Variants in CDK14 observed in about 807,000 individuals in gnomAD.
The protein encoded by CDK14 is cyclin dependent kinase 14, also known as cyclin-dependent kinase 14.
In CDK14, 34 loss-of-function variants were observed where a neutral mutation model predicts 60.7. That is an observed-to-expected ratio of 0.56 (90% CI 0.43 to 0.75). The LOEUF (loss-of-function observed/expected upper bound fraction) is 0.75, where lower values mean the gene tolerates loss of function less well. Among genes scored for constraint, CDK14 ranks in the 30% least tolerant of loss-of-function variants. CDK14 has a pLI of 0.00. For synonymous variants in CDK14, 197 were observed against 203.7 expected (o/e 0.97, Z 0.28); for missense variants, 482 against 564.1 (o/e 0.85, Z 1.47).
At chr7:90,696,346 T>C (rs1174329734) in intron 2 of CDK14, among the ~76,000 whole-genome samples, 11 of 147,768 alleles carry the variant, frequency 7.4e-5, no homozygotes, top group South Asian at 4.3e-4. Flanking sequence ...CTTTTTTTTT[T>C]TTTTTTTTTT....
intron 10 of CDK14, among the ~76,000 whole-genome samples, chr7:91,044,913 T>C (rs1797190953): frequency 6.6e-6 from 1 of 152,188 alleles, no homozygotes; most frequent in Non-Finnish European, 1.5e-5. Context: ...CTTTGAGTAA[T>C]ACCTAATACT....
At chr7:90,631,533 T>G (rs11563824) in intron 2 of CDK14, among the ~76,000 whole-genome samples, 5 of 152,140 alleles carry the variant, frequency 3.3e-5, no homozygotes, top group Admixed American at 2.6e-4. Context: ...ATTGTAAGGA[T>G]TTTTTGACAG....
intron 11 of CDK14, among the ~76,000 whole-genome samples, chr7:91,073,611 C>T (rs897649397): frequency 1.3e-5 from 2 of 151,952 alleles, no homozygotes; most frequent in African/African-American, 2.4e-5. Flanking sequence ...TGCAAAATAA[C>T]CAGATAGCAT....
intron 11 of CDK14, among the ~76,000 whole-genome samples, chr7:91,065,909 A>G (rs1276290325): frequency 6.6e-6 from 1 of 152,220 alleles, no homozygotes; most frequent in Non-Finnish European, 1.5e-5. Flanking sequence ...TTGAAATGTA[A>G]CCAGAGTGAT....
intron 3 of CDK14, among the ~76,000 whole-genome samples, chr7:90,734,859 G>A (rs933802733): frequency 6.6e-6 from 1 of 152,090 alleles, no homozygotes; most frequent in African/African-American, 2.4e-5. Flanking sequence ...CCCTGCTGGC[G>A]AGGAGTTGTG....
In CDK14 at chr7:90,878,214, AAGG is replaced by A. The variant is rs1230985887; in HGVS notation, c.639+14950_639+14952del. On this transcript the variant is annotated intron_variant, in intron 6 of 14. Coordinates refer to ENST00000380050, the MANE Select transcript of CDK14 (RefSeq NM_001287135.2). ...GATATAGTGGCTGGTTTCTCCTTGA[AAGG>A]AGGACTTACTACAGGAAGTAATATC... is the stretch of plus-strand genomic sequence containing the variant. 8.5e-5 allele frequency among the ~76,000 whole-genome samples: 13 copies of A among 152,226 alleles called. No homozygotes were observed. The South Asian group carries it at 2.7e-3, about 32-fold the overall frequency.
intron 5 of CDK14, among the ~76,000 whole-genome samples, chr7:90,810,243 C>G (rs1055962979): frequency 2.6e-5 from 4 of 152,152 alleles, no homozygotes; most frequent in Admixed American, 2.6e-4. Flanking sequence ...GAAACCAAGT[C>G]CAGCAACACA....
chr7:90,911,625 A>G (rs1226350790), intron 7 of CDK14, among the ~76,000 whole-genome samples: 2 of 151,300 alleles, frequency 1.3e-5, no homozygotes, highest in Non-Finnish European at 2.9e-5. Flanking sequence ...TGTATTTCTG[A>G]CCATTCATGG....
chr7:91,198,174 A>G (rs1426170222), intron 14 of CDK14, among the ~76,000 whole-genome samples: 1 of 152,240 alleles, frequency 6.6e-6, no homozygotes, highest in Non-Finnish European at 1.5e-5. Context: ...CCTCACAAGA[A>G]TAGATATTTC....
chr7:91,193,794 A>G (rs1802447983), intron 14 of CDK14, among the ~76,000 whole-genome samples: 1 of 152,138 alleles, frequency 6.6e-6, no homozygotes, highest in Non-Finnish European at 1.5e-5. Context: ...GTATATGTGT[A>G]TATGGTACTG....
chr7:90,768,612 T>A (rs904584171), intron 4 of CDK14, among the ~76,000 whole-genome samples: 1 of 152,220 alleles, frequency 6.6e-6, no homozygotes, highest in Admixed American at 6.5e-5. Flanking sequence ...TCCTCTTTTT[T>A]CGAATATCCG....
chr7:90,950,473 A>G (rs565982687), intron 8 of CDK14, among the ~76,000 whole-genome samples: 6 of 152,338 alleles, frequency 3.9e-5, no homozygotes, highest in African/African-American at 1.4e-4. Flanking sequence ...ATCCAATAAG[A>G]GATGATATGA....
intron 5 of CDK14, among the ~76,000 whole-genome samples, chr7:90,808,133 C>T (rs879779554): frequency 6.6e-6 from 1 of 152,098 alleles, no homozygotes; most frequent in Non-Finnish European, 1.5e-5. Context: ...AGATACTCCT[C>T]GAGAAGAGCA....
intron 14 of CDK14, among the ~76,000 whole-genome samples, chr7:91,185,160 A>G (rs1802131676): frequency 6.7e-6 from 1 of 148,788 alleles, no homozygotes; most frequent in South Asian, 2.2e-4. Flanking sequence ...GGTGAATAAG[A>G]CACACACATT....
intron 2 of CDK14, among the ~76,000 whole-genome samples, chr7:90,718,030 A>G (rs547733141): frequency 6.6e-6 from 1 of 152,260 alleles, no homozygotes; most frequent in East Asian, 1.9e-4. Flanking sequence ...AACAAATTAT[A>G]AAATACAATC....
At chr7:90,998,936 T>C (rs1795763431) in intron 10 of CDK14, among the ~76,000 whole-genome samples, 1 of 152,102 alleles carries the variant, frequency 6.6e-6, no homozygotes, top group Non-Finnish European at 1.5e-5. Flanking sequence ...CTTAGAGTTC[T>C]GGAGGCTGGG....
intron 14 of CDK14, among the ~76,000 whole-genome samples, chr7:91,179,077 A>G (rs1252538277): frequency 6.6e-6 from 1 of 152,148 alleles, no homozygotes; most frequent in Non-Finnish European, 1.5e-5. Flanking sequence ...ACAATGATAG[A>G]CTGGATTAAG....
chr7:91,090,811 A>G (rs1798780570), intron 12 of CDK14, among the ~76,000 whole-genome samples: 1 of 152,120 alleles, frequency 6.6e-6, no homozygotes, highest in African/African-American at 2.4e-5. Flanking sequence ...ATGGAGTTTC[A>G]AAGCATGGCA....
chr7:90,816,057 A>G (rs1163126162), intron 5 of CDK14, among the ~76,000 whole-genome samples: 1 of 152,038 alleles, frequency 6.6e-6, no homozygotes, highest in Non-Finnish European at 1.5e-5. Context: ...CATGTTCTAT[A>G]CATGTATCCC....
Sources: gnomAD v4.1 joint callset for allele counts (sites outside exome capture counted in the v4.1 genomes callset) on GRCh38, gnomAD v4.1.1 for gene constraint, MANE v1.5 for transcripts, NCBI Gene and HGNC (gene_info 2026-07-23, HGNC 2026-07-21) for gene names.